SLC35D4: variants seen among roughly 807,000 people sequenced by gnomAD.
The protein encoded by SLC35D4 is UDP-N-acetylglucosamine transporter SLC35D4.
the SLC35D4 span, among the ~76,000 whole-genome samples, chr18:23,364,921 A>G: frequency 0.062 from 130 of 2,100 alleles, 26 homozygotes; most frequent in Non-Finnish European, 0.14. Flanking sequence ...AAAAAAAAAA[A>G]AAAAAAAAAA....
At chr18:23,421,401 T>C in the SLC35D4 span, 18 of 1,613,918 alleles carry the variant, frequency 1.1e-5, no homozygotes, top group Non-Finnish European at 1.5e-5. Context: ...CAGCCCAGTT[T>C]CCAGGACACA....
chr18:23,384,010 G>T, the SLC35D4 span, among the ~76,000 whole-genome samples: 7 of 136,586 alleles, frequency 5.1e-5, no homozygotes, highest in African/African-American at 1.6e-4. Context: ...TTGGGGGGGG[G>T]GGGTGTGATG....
the SLC35D4 span, among the ~76,000 whole-genome samples, chr18:23,266,945 C>T: frequency 6.6e-6 from 1 of 152,220 alleles, no homozygotes; most frequent in East Asian, 1.9e-4. Flanking sequence ...GGTGGGCTGC[C>T]TTGCCTGCTG....
chr18:23,426,132 T>C, the SLC35D4 span, among the ~76,000 whole-genome samples: 1 of 151,996 alleles, frequency 6.6e-6, no homozygotes, highest in Non-Finnish European at 1.5e-5. Flanking sequence ...TTTAATGAAA[T>C]ATAGGTGAAT....
the SLC35D4 span, among the ~76,000 whole-genome samples, chr18:23,419,747 A>G: frequency 8.5e-5 from 13 of 152,146 alleles, no homozygotes; most frequent in African/African-American, 2.7e-4. Flanking sequence ...TTTAAATGAG[A>G]TAACAGTATT....
At chr18:23,289,117 C>T in the SLC35D4 span, among the ~76,000 whole-genome samples, 2 of 152,324 alleles carry the variant, frequency 1.3e-5, no homozygotes, top group South Asian at 4.1e-4. Flanking sequence ...AGTCATACTC[C>T]TATTCACTGT....
At chr18:23,302,144 C>A in the SLC35D4 span, among the ~76,000 whole-genome samples, 1 of 152,216 alleles carries the variant, frequency 6.6e-6, no homozygotes, top group Admixed American at 6.5e-5. Context: ...GGAGAGATGG[C>A]GCCAGCCACC....
the SLC35D4 span, chr18:23,257,399 C>T: frequency 6.4e-7 from 1 of 1,556,610 alleles, no homozygotes; most frequent in Non-Finnish European, 8.6e-7. Context: ...AGGGCCATTT[C>T]TTCTCAGCTT....
At chr18:23,286,769 T>C in the SLC35D4 span, among the ~76,000 whole-genome samples, 3 of 152,106 alleles carry the variant, frequency 2.0e-5, no homozygotes, top group East Asian at 1.9e-4. Context: ...CAATACTCTT[T>C]TAAGCACTCC....
the SLC35D4 span, among the ~76,000 whole-genome samples, chr18:23,274,477 G>A: frequency 6.6e-6 from 1 of 152,228 alleles, no homozygotes; most frequent in Admixed American, 6.5e-5. Context: ...ACTGCCTGGT[G>A]CCCCACAGTG....
the SLC35D4 span, among the ~76,000 whole-genome samples, chr18:23,272,934 A>C: frequency 1.3e-5 from 2 of 152,086 alleles, no homozygotes; most frequent in Non-Finnish European, 1.5e-5. Flanking sequence ...GGAAAGACCC[A>C]CCTCAGACCA....
At chr18:23,253,001 G>A in the SLC35D4 span, 1 of 1,613,866 alleles carries the variant, frequency 6.2e-7, no homozygotes, top group Non-Finnish European at 8.5e-7. Context: ...ATCTCAAGAA[G>A]GACATGAACG....
the SLC35D4 span, among the ~76,000 whole-genome samples, chr18:23,355,672 A>G: frequency 6.6e-6 from 1 of 150,700 alleles, no homozygotes; most frequent in Non-Finnish European, 1.5e-5. Flanking sequence ...TTAACATTGT[A>G]AAGAATCACT....
At chr18:23,437,911 G>T in the SLC35D4 span, 2 of 1,549,202 alleles carry the variant, frequency 1.3e-6, no homozygotes, top group East Asian at 2.4e-5. Context: ...CCTGGCCGCC[G>T]CCCGACCCCC....
At chr18:23,412,818 C>G in the SLC35D4 span, among the ~76,000 whole-genome samples, 1 of 152,200 alleles carries the variant, frequency 6.6e-6, no homozygotes, top group Non-Finnish European at 1.5e-5. Context: ...TTTCTATGCT[C>G]TAACAGCAGA....
At chr18:23,384,534 C>G in the SLC35D4 span, among the ~76,000 whole-genome samples, 4 of 152,200 alleles carry the variant, frequency 2.6e-5, no homozygotes, top group Admixed American at 1.3e-4. Context: ...TTATTACCAC[C>G]TTGCACAGAT....
At chr18:23,406,218 G>A in the SLC35D4 span, among the ~76,000 whole-genome samples, 2 of 152,218 alleles carry the variant, frequency 1.3e-5, no homozygotes, top group East Asian at 1.9e-4. Flanking sequence ...TGCTCCCAAG[G>A]AACTGCCAGC....
At chr18:23,318,096 C>T in the SLC35D4 span, among the ~76,000 whole-genome samples, 15 of 152,288 alleles carry the variant, frequency 9.8e-5, no homozygotes, top group African/African-American at 3.6e-4. Flanking sequence ...AATTTCTTCA[C>T]ATCCTGGTTA....
At chr18:23,409,816 C>A in the SLC35D4 span, among the ~76,000 whole-genome samples, 2 of 147,726 alleles carry the variant, frequency 1.4e-5, no homozygotes, top group African/African-American at 2.5e-5. Context: ...TGCACTCCAG[C>A]CTGGGCGACA....
Sources: gnomAD v4.1 joint callset for allele counts (sites outside exome capture counted in the v4.1 genomes callset) on GRCh38, gnomAD v4.1.1 for gene constraint, MANE v1.5 for transcripts, NCBI Gene and HGNC (gene_info 2026-07-23, HGNC 2026-07-21) for gene names.